Variants in DACH1 observed in about 807,000 individuals in gnomAD.
DACH1 encodes dachshund family transcription factor 1, also known as dachshund homolog 1.
Under a neutral mutation model 54.2 loss-of-function variants are expected in DACH1, and 12 were observed. The observed-to-expected ratio is 0.22, with a 90% confidence interval of 0.14 to 0.36. DACH1 has a LOEUF of 0.36. DACH1 is among the 10% of genes least tolerant of loss of function. DACH1 has a pLI of 1.00. For synonymous variants in DACH1, 386 were observed against 366.2 expected, an observed-to-expected ratio of 1.05 and a Z score of -0.62; for missense variants, 805 against 929.8, an observed-to-expected ratio of 0.87 and a Z score of 1.75.
At chr13:71,862,051 T>C (rs1390399191) in intron 1 of DACH1, among the ~76,000 whole-genome samples, 1 of 151,954 alleles carries the variant, frequency 6.6e-6, no homozygotes, top group Non-Finnish European at 1.5e-5. Context: ...ACAAAAGAAT[T>C]CTGTTTGTGA....
intron 1 of DACH1, among the ~76,000 whole-genome samples, chr13:71,789,616 G>T (rs905031082): frequency 6.6e-6 from 1 of 151,840 alleles, no homozygotes; most frequent in East Asian, 1.9e-4. Flanking sequence ...AAATCTACTG[G>T]GAAGGCAGCT....
intron 1 of DACH1, among the ~76,000 whole-genome samples, chr13:71,723,154 C>T (rs760343322): frequency 2.6e-5 from 4 of 151,702 alleles, no homozygotes; most frequent in Non-Finnish European, 5.9e-5. Context: ...GTAATCCTAG[C>T]ACTTTGGGAG....
At chr13:71,548,421 A>G (rs532753548) in intron 6 of DACH1, among the ~76,000 whole-genome samples, 1 of 152,304 alleles carries the variant, frequency 6.6e-6, no homozygotes, top group African/African-American at 2.4e-5. Flanking sequence ...CATATTAAAA[A>G]ATAAGAAAGC....
chr13:71,828,428 G>A lies in DACH1; in HGVS notation c.848+37494C>T, dbSNP rs187030141. On this transcript the variant is annotated intron_variant, in intron 1 of 10. Coordinates refer to ENST00000613252, the MANE Select transcript of DACH1 (RefSeq NM_080759.6). ...CTACATTTCTTCATTGGTGAATTAAGCCAGTTACACCCGTGCCATCGACAT... is the reference window on the plus strand; with the variant it reads ...CTACATTTCTTCATTGGTGAATTAAACCAGTTACACCCGTGCCATCGACAT... Among the ~76,000 whole-genome samples the A allele has an allele frequency of 1.7e-3, 259 of 152,006 alleles. 1 individual carries two copies. The highest frequency in any genetic ancestry group is 2.8e-3 in the Non-Finnish European group (189 of 67,924).
chr13:71,468,007 T>G (rs1876747477), intron 10 of DACH1, among the ~76,000 whole-genome samples: 1 of 152,150 alleles, frequency 6.6e-6, no homozygotes, highest in South Asian at 2.1e-4. Flanking sequence ...AAACCTCTCC[T>G]TCTCCCCCAC....
At chr13:71,635,500 C>A (rs559936733) in intron 2 of DACH1, among the ~76,000 whole-genome samples, 5 of 152,134 alleles carry the variant, frequency 3.3e-5, no homozygotes, top group Admixed American at 2.0e-4. Flanking sequence ...AAAACAACAA[C>A]AAAAAAATTC....
intron 3 of DACH1, among the ~76,000 whole-genome samples, chr13:71,615,733 T>C (rs942962861): frequency 6.6e-6 from 1 of 152,156 alleles, no homozygotes. Context: ...GTTGAGGGCA[T>C]GTAGAGGAGG....
intron 1 of DACH1, among the ~76,000 whole-genome samples, chr13:71,728,677 A>G (rs1009833915): frequency 2.0e-5 from 3 of 151,992 alleles, no homozygotes; most frequent in Non-Finnish European, 4.4e-5. Flanking sequence ...CATGCTTTTT[A>G]TTCATTCAAG....
At chr13:71,830,027 A>G (rs1417250937) in intron 1 of DACH1, among the ~76,000 whole-genome samples, 8 of 151,872 alleles carry the variant, frequency 5.3e-5, no homozygotes, top group African/African-American at 1.9e-4. Context: ...TCCACTATAA[A>G]TGATCAATGA....
intron 1 of DACH1, among the ~76,000 whole-genome samples, chr13:71,779,176 TACAC>T (rs199927129): frequency 5.2e-5 from 6 of 115,472 alleles, no homozygotes; most frequent in Non-Finnish European, 1.1e-4. Context: ...CGTATATATA[TACAC>T]ATATATACGT....
chr13:71,459,609 T>C (rs1314900048), intron 10 of DACH1, among the ~76,000 whole-genome samples: 1 of 151,864 alleles, frequency 6.6e-6, no homozygotes, highest in Non-Finnish European at 1.5e-5. Context: ...AAAAGCTAAG[T>C]AGAGAAGAAA....
intron 2 of DACH1, among the ~76,000 whole-genome samples, chr13:71,646,443 T>C (rs1232830598): frequency 2.0e-5 from 3 of 151,922 alleles, no homozygotes; most frequent in African/African-American, 7.2e-5. Flanking sequence ...AAGTTACTAA[T>C]AAGGAAAAAG....
intron 6 of DACH1, among the ~76,000 whole-genome samples, chr13:71,522,407 T>C (rs891122271): frequency 6.6e-6 from 1 of 152,002 alleles, no homozygotes; most frequent in Non-Finnish European, 1.5e-5. Context: ...CGCACCTCCC[T>C]ACCTTGAGAA....
At chr13:71,822,942 A>G (rs894537536) in intron 1 of DACH1, among the ~76,000 whole-genome samples, 3 of 152,174 alleles carry the variant, frequency 2.0e-5, no homozygotes, top group African/African-American at 7.2e-5. Context: ...ATGTATTTAC[A>G]TAGATTTGAA....
intron 6 of DACH1, among the ~76,000 whole-genome samples, chr13:71,531,178 T>TCTAA (rs1353109884): frequency 6.6e-6 from 1 of 152,168 alleles, no homozygotes; most frequent in Admixed American, 6.6e-5. Flanking sequence ...AGAGTATTCC[T>TCTAA]CTAACTTTTC....
chr13:71,657,044 G>A (rs972623253), intron 2 of DACH1, among the ~76,000 whole-genome samples: 24 of 147,640 alleles, frequency 1.6e-4, no homozygotes, highest in Non-Finnish European at 3.0e-4. Context: ...ACATAAACAT[G>A]TGTGTGTGTG....
At chr13:71,647,922 T>C (rs934533546) in intron 2 of DACH1, among the ~76,000 whole-genome samples, 4 of 152,238 alleles carry the variant, frequency 2.6e-5, no homozygotes, top group Non-Finnish European at 4.4e-5. Context: ...TTTCAGAGGA[T>C]AATATCATTG....
intron 6 of DACH1, among the ~76,000 whole-genome samples, chr13:71,490,834 G>T (rs746693380): frequency 1.3e-5 from 2 of 152,124 alleles, no homozygotes; most frequent in Non-Finnish European, 2.9e-5. Context: ...AATATCTTTC[G>T]ATCATCATCA....
At chr13:71,715,731 C>T (rs1339127245) in intron 1 of DACH1, among the ~76,000 whole-genome samples, 1 of 151,270 alleles carries the variant, frequency 6.6e-6, no homozygotes, top group Non-Finnish European at 1.5e-5. Context: ...CTTTCAGTCT[C>T]GGGGAACAAT....
Sources: gnomAD v4.1 joint callset for allele counts (sites outside exome capture counted in the v4.1 genomes callset) on GRCh38, gnomAD v4.1.1 for gene constraint, MANE v1.5 for transcripts, NCBI Gene and HGNC (gene_info 2026-07-23, HGNC 2026-07-21) for gene names.